Variants in OSBPL9 observed in about 807,000 individuals in gnomAD.
OSBPL9 encodes the protein oxysterol binding protein like 9, also known as oxysterol-binding protein-related protein 9.
OSBPL9 carries 40 observed loss-of-function variants against 106.6 expected under a neutral mutation model. The observed-to-expected ratio is 0.38, with a 90% CI of 0.29 to 0.49. OSBPL9 has a LOEUF of 0.49. Ranked by LOEUF, OSBPL9 falls within the 20% of genes least tolerant of loss-of-function variation. The probability of loss-of-function intolerance (pLI) is 0.97; values close to 1 mark genes in which losing one functional copy is unlikely to be tolerated. For synonymous variants in OSBPL9, 269 were observed against 295.4 expected, an observed-to-expected ratio of 0.91 and a Z score of 0.92; for missense variants, 609 against 887.2, an observed-to-expected ratio of 0.69 and a Z score of 3.98.
intron 4 of OSBPL9, among the ~76,000 whole-genome samples, chr1:51,732,894 A>G (rs1400797014): frequency 1.3e-5 from 2 of 152,192 alleles, no homozygotes; most frequent in South Asian, 4.1e-4. Flanking sequence ...ACTCAGCTCC[A>G]GGTGCTTTAC....
intron 4 of OSBPL9, among the ~76,000 whole-genome samples, chr1:51,715,806 A>T (rs1240189329): frequency 1.3e-5 from 2 of 152,014 alleles, no homozygotes; most frequent in Non-Finnish European, 2.9e-5. Context: ...CTTGTGTGTG[A>T]TGTCCTTTCT....
chr1:51,773,330 G>A (rs1674354825), intron 14 of OSBPL9, among the ~76,000 whole-genome samples: 1 of 152,098 alleles, frequency 6.6e-6, no homozygotes, highest in East Asian at 1.9e-4. Context: ...GCTTGAATTA[G>A]GAGACTGGTG....
At chr1:51,649,628 G>C (rs995182806) in intron 1 of OSBPL9, among the ~76,000 whole-genome samples, 4 of 151,380 alleles carry the variant, frequency 2.6e-5, no homozygotes, top group Non-Finnish European at 5.9e-5. Flanking sequence ...CTTGAAACCT[G>C]ATCATTTCAG....
intron 1 of OSBPL9, among the ~76,000 whole-genome samples, chr1:51,626,399 C>G (rs1644768869): frequency 6.6e-6 from 1 of 152,090 alleles, no homozygotes; most frequent in Non-Finnish European, 1.5e-5. Flanking sequence ...TATTTAACTT[C>G]TTCCTCACTA....
At chr1:51,610,713 C>T (rs1439346706) in intron 2 of OSBPL9, among the ~76,000 whole-genome samples, 2 of 152,198 alleles carry the variant, frequency 1.3e-5, no homozygotes, top group South Asian at 2.1e-4. Flanking sequence ...AAGTACAAAG[C>T]GTAAGTAAAA....
chr1:51,769,759 C>G (rs75239411), intron 12 of OSBPL9, among the ~76,000 whole-genome samples: 1 of 151,776 alleles, frequency 6.6e-6, no homozygotes, highest in Admixed American at 6.6e-5. Flanking sequence ...CATTTTTTTT[C>G]AATTTACAGT....
rs759203827 is a variant in OSBPL9 at position 51,785,785 on chromosome 1, C to T, written c.1830-23C>T. The T allele has an allele frequency of 3.1e-6, 5 of 1,604,252 alleles. No individual in the cohort carries two copies. The African/African-American group carries it at 6.7e-5, about 21-fold the overall frequency. On this transcript the variant is annotated intron_variant, in intron 20 of 23. Transcript: ENST00000428468. The stretch of plus-strand genomic sequence containing the variant: ...TAGAATTTTCAACTTGAGACTAACA[C>T]AAGTATTTCCTTTTCTGTTCAGTTC...
At chr1:51,740,963 T>C (rs377512517) in intron 4 of OSBPL9, among the ~76,000 whole-genome samples, 1 of 152,220 alleles carries the variant, frequency 6.6e-6, no homozygotes, top group Admixed American at 6.5e-5. Context: ...ATAATTTATA[T>C]GCACTTCAGA....
chr1:51,735,847 C>A (rs1439721321), intron 4 of OSBPL9, among the ~76,000 whole-genome samples: 4 of 152,178 alleles, frequency 2.6e-5, no homozygotes, highest in African/African-American at 4.8e-5. Flanking sequence ...TGTTTTACTA[C>A]CATTTATTTC....
At chr1:51,678,274 CAT>C (rs771506115) in intron 3 of OSBPL9, among the ~76,000 whole-genome samples, 243 of 152,296 alleles carry the variant, frequency 1.6e-3, no homozygotes, top group African/African-American at 3.8e-3. Context: ...AGACAAAAGA[CAT>C]AATTTTTAAG....
intron 2 of OSBPL9, among the ~76,000 whole-genome samples, chr1:51,666,009 G>A (rs2148750662): frequency 6.6e-6 from 1 of 152,102 alleles, no homozygotes; most frequent in Non-Finnish European, 1.5e-5. Context: ...CACCATGCCT[G>A]GCTAATTTTT....
At chr1:51,725,822 G>A (rs75763942) in intron 4 of OSBPL9, among the ~76,000 whole-genome samples, 1 of 152,024 alleles carries the variant, frequency 6.6e-6, no homozygotes, top group Admixed American at 6.6e-5. Flanking sequence ...TCTCCCCCCT[G>A]CCCATATTAC....
the OSBPL9 span, among the ~76,000 whole-genome samples, chr1:51,569,166 TA>T: frequency 5.9e-3 from 906 of 152,278 alleles, 9 homozygotes; most frequent in African/African-American, 0.02. Flanking sequence ...TTTCAGATGC[TA>T]AAAAAAGGTC....
intron 21 of OSBPL9, 178 bp downstream of exon 21, chr1:51,786,064 C>T (rs1677549304): frequency 3.4e-6 from 2 of 591,512 alleles, no homozygotes; most frequent in South Asian, 4.0e-5. Flanking sequence ...TTTTTCTTTC[C>T]TTCCCCCACC....
At chr1:51,617,972 T>C (rs926428282) in intron 1 of OSBPL9, among the ~76,000 whole-genome samples, 1 of 151,330 alleles carries the variant, frequency 6.6e-6, no homozygotes, top group Non-Finnish European at 1.5e-5. Flanking sequence ...GAAAAGTAGA[T>C]GAATTGCTGT....
chr1:51,530,041 G>GGT, the OSBPL9 span, among the ~76,000 whole-genome samples: 1 of 151,092 alleles, frequency 6.6e-6, no homozygotes, highest in South Asian at 2.1e-4. Context: ...TGTGGTGGCG[G>GGT]GCGCCTGTAG....
At chr1:51,705,973 G>T (rs956848686) in intron 3 of OSBPL9, among the ~76,000 whole-genome samples, 1 of 152,110 alleles carries the variant, frequency 6.6e-6, no homozygotes, top group African/African-American at 2.4e-5. Context: ...CTGTTGTACT[G>T]TTTTTATATA....
chr1:51,698,597 G>A (rs1161597496), intron 3 of OSBPL9, among the ~76,000 whole-genome samples: 2 of 152,138 alleles, frequency 1.3e-5, no homozygotes, highest in Non-Finnish European at 2.9e-5. Context: ...AGGATGGAAA[G>A]CAAGCTGGAA....
chr1:51,719,610 T>C (rs1264578205), intron 4 of OSBPL9, among the ~76,000 whole-genome samples: 2 of 152,144 alleles, frequency 1.3e-5, no homozygotes, highest in Non-Finnish European at 2.9e-5. Flanking sequence ...CTGGATGTCA[T>C]ACAGGTATAA....
Sources: allele counts gnomAD v4.1 joint callset (sites outside exome capture counted in the v4.1 genomes callset), GRCh38; gene constraint gnomAD v4.1.1; transcripts MANE v1.5; gene names NCBI Gene and HGNC (gene_info 2026-07-23, HGNC 2026-07-21).